The following MVB12B variants were observed in gnomAD, a reference collection of about 807,000 sequenced individuals.
The protein encoded by MVB12B is multivesicular body subunit 12B.
In MVB12B, 16 loss-of-function variants were observed where a neutral mutation model predicts 41.6. That is an observed-to-expected ratio of 0.38 (90% CI 0.26 to 0.58). MVB12B has a LOEUF of 0.58. Among genes scored for constraint, MVB12B ranks in the 20% least tolerant of loss-of-function variants. MVB12B has a pLI of 0.62. For synonymous variants in MVB12B, 133 were observed against 139.7 expected (o/e 0.95, Z 0.34); for missense variants, 274 against 380.2 (o/e 0.72, Z 2.32).
At position 126,376,552 on chromosome 9, in the gene MVB12B, G is replaced by T; in HGVS notation, c.205-4512G>T. On this transcript the variant is annotated intron_variant, in intron 2 of 9. Transcript: ENST00000361171. The surrounding 1 kb of genome is among the most constrained non-coding windows in gnomAD (Gnocchi z 4.1). ...GGGAGCTGGCTCAGATCGTGGGCTG[G>T]TCCACCCTGGCGCTTTCCAGAGACA... The T allele has an allele frequency of 7.8e-7, 1 of 1,289,372 alleles. No individual in the cohort carries two copies. Among genetic ancestry groups the T allele is most frequent in the Non-Finnish European group, 1.0e-6 (1 of 988,862 alleles). 79.9% of individuals were successfully genotyped at this position (1,289,372 alleles called of 1,614,324 possible).
chr9:126,410,868 G>C (rs1831626409), intron 6 of MVB12B, among the ~76,000 whole-genome samples: 1 of 149,606 alleles, frequency 6.7e-6, no homozygotes, highest in Admixed American at 6.6e-5. Context: ...CTCAACAGAT[G>C]TTTGTTATTT....
chr9:126,495,297 C>T (rs1159128061), intron 9 of MVB12B, among the ~76,000 whole-genome samples: 1 of 152,094 alleles, frequency 6.6e-6, no homozygotes, highest in Non-Finnish European at 1.5e-5. Flanking sequence ...AGCCTCCACC[C>T]AGAGCAGCAC....
chr9:126,482,341 G>A (rs2119207340), intron 8 of MVB12B, among the ~76,000 whole-genome samples: 1 of 152,380 alleles, frequency 6.6e-6, no homozygotes, highest in South Asian at 2.1e-4. Flanking sequence ...GTTTTTCTTG[G>A]ATCCAGCTTA....
In MVB12B at chr9:126,376,241, T is replaced by C. The variant is rs533020875; in HGVS notation, c.205-4823T>C. ...CTTTTTAAAAACGTTTTCATAATACTCTGTTCTTGTTTGGTATTTGCAGTC... is the reference window on the plus strand; with the variant it reads ...CTTTTTAAAAACGTTTTCATAATACCCTGTTCTTGTTTGGTATTTGCAGTC... On this transcript the variant is annotated intron_variant, in intron 2 of 9. Transcript: ENST00000361171. This position sits in a 1 kb window ranked among gnomAD's most constrained non-coding sequence, Gnocchi z 4.1. Among the ~76,000 whole-genome samples, 1 of 152,356 alleles carries C rather than the reference T, an allele frequency of 6.6e-6. No individual in the cohort carries two copies. The highest frequency in any genetic ancestry group is 2.4e-5 in the African/African-American group (1 of 41,582).
At chr9:126,458,837 A>G (rs1466533266) in intron 7 of MVB12B, among the ~76,000 whole-genome samples, 1 of 152,220 alleles carries the variant, frequency 6.6e-6, no homozygotes, top group Non-Finnish European at 1.5e-5. Context: ...ACAAGTTAGA[A>G]ATACTGTGTT....
chr9:126,384,742 A>G (rs1453667140), intron 3 of MVB12B, among the ~76,000 whole-genome samples: 3 of 151,666 alleles, frequency 2.0e-5, no homozygotes, highest in Admixed American at 1.3e-4. Flanking sequence ...CATGTTGCCC[A>G]GGCTGGTATC....
chr9:126,360,429 C>A (rs1203466438), intron 2 of MVB12B, among the ~76,000 whole-genome samples: 1 of 152,166 alleles, frequency 6.6e-6, no homozygotes, highest in African/African-American at 2.4e-5. Context: ...AATTTATAAT[C>A]TGTACACAAA....
In MVB12B at chr9:126,386,379, C is replaced by T. The variant is rs1455651086; in HGVS notation, c.313-183C>T. Among the ~76,000 whole-genome samples, 10 of 152,154 alleles carry T rather than the reference C, an allele frequency of 6.6e-5. No individual in the cohort carries two copies. Among genetic ancestry groups the T allele is most frequent in the Non-Finnish European group, 1.2e-4 (8 of 68,034 alleles). On this transcript the variant is annotated intron_variant, in intron 3 of 9. Coordinates refer to ENST00000361171, the MANE Select transcript of MVB12B (RefSeq NM_033446.3). The surrounding 1 kb of genome is among the most constrained non-coding windows in gnomAD (Gnocchi z 4.3). ...GAGGTTCCGCAGATGAAACTCCTTCCCAGGGGCCACACGAGTCCCTGCATA... is the reference window on the plus strand; with the variant it reads ...GAGGTTCCGCAGATGAAACTCCTTCTCAGGGGCCACACGAGTCCCTGCATA...
intron 7 of MVB12B, among the ~76,000 whole-genome samples, chr9:126,447,872 A>G (rs187356081): frequency 1.4e-4 from 22 of 152,314 alleles, no homozygotes; most frequent in Admixed American, 1.1e-3. Context: ...AAGGTTTATG[A>G]CGGTTAAAGG....
At chr9:126,490,584 C>T (rs1174082089) in intron 9 of MVB12B, among the ~76,000 whole-genome samples, 2 of 152,216 alleles carry the variant, frequency 1.3e-5, no homozygotes, top group Non-Finnish European at 2.9e-5. Context: ...CTGCCGCACT[C>T]CTGGCGGAGC....
rs547178955 is a variant in MVB12B at position 126,423,156 on chromosome 9, A to G, written c.757+1208A>G. Among the ~76,000 whole-genome samples the G allele has an allele frequency of 1.6e-4, 25 of 152,356 alleles. 1 individual carries two copies. The highest frequency in any genetic ancestry group is 8.5e-4 in the Admixed American group (13 of 15,310). ...ATGCTTAGTGGCATAGAGGTGCAGA[A>G]CAGGCCTGTGGAATCCAGCAGGGCG... is the stretch of plus-strand genomic sequence containing the variant. On this transcript the variant is annotated intron_variant, in intron 7 of 9. Coordinates refer to ENST00000361171, the MANE Select transcript of MVB12B (RefSeq NM_033446.3).
chr9:126,465,846 C>T (rs1350191715), intron 7 of MVB12B, among the ~76,000 whole-genome samples: 3 of 152,136 alleles, frequency 2.0e-5, no homozygotes, highest in African/African-American at 7.2e-5. Flanking sequence ...AATAATCAGC[C>T]CCATTTCCAG....
In MVB12B at chr9:126,395,858, GA is replaced by G; in HGVS notation, c.662+164del. On this transcript the variant is annotated intron_variant, in intron 6 of 9. Coordinates refer to ENST00000361171, the MANE Select transcript of MVB12B (RefSeq NM_033446.3). This position sits in a 1 kb window ranked among gnomAD's most constrained non-coding sequence, Gnocchi z 4.9. ...GAGGAGATTTTTAAAAATCCACTTG[GA>G]AATCTTTGCATTACATGAATGCAAA... 1 of 1,435,280 alleles carries G rather than the reference GA, an allele frequency of 7.0e-7. No individual in the cohort carries two copies. The highest frequency in any genetic ancestry group is 1.5e-5 in the South Asian group (1 of 65,366). 88.9% of individuals were successfully genotyped at this position (1,435,280 alleles called of 1,614,324 possible).
chr9:126,408,956 G>A (rs1387912047), intron 6 of MVB12B, among the ~76,000 whole-genome samples: 3 of 152,060 alleles, frequency 2.0e-5, no homozygotes, highest in South Asian at 2.1e-4. Context: ...CACCTGTCCC[G>A]CAGCGCCCAC....
chr9:126,447,352 G>A (rs988237865), intron 7 of MVB12B, among the ~76,000 whole-genome samples: 1 of 150,470 alleles, frequency 6.6e-6, no homozygotes, highest in Non-Finnish European at 1.5e-5. Context: ...TTTAATAAAA[G>A]TGTTTAGGGT....
intron 7 of MVB12B, among the ~76,000 whole-genome samples, chr9:126,445,261 C>G (rs1350345523): frequency 6.6e-6 from 1 of 151,938 alleles, no homozygotes; most frequent in Non-Finnish European, 1.5e-5. Context: ...TATATAATTC[C>G]TAAGTTTTAA....
At chr9:126,415,210 A>T in intron 6 of MVB12B, among the ~76,000 whole-genome samples, 1 of 152,014 alleles carries the variant, frequency 6.6e-6, no homozygotes, top group East Asian at 1.9e-4. Flanking sequence ...CTCTCCTTAG[A>T]CAATCCAACC....
intron 2 of MVB12B, among the ~76,000 whole-genome samples, chr9:126,342,380 G>A (rs548057148): frequency 6.1e-4 from 93 of 152,308 alleles, no homozygotes; most frequent in Admixed American, 1.2e-3. Context: ...GTAGTGGGTG[G>A]CAGATGGCCT....
At chr9:126,467,640 G>A (rs1462354007) in intron 7 of MVB12B, among the ~76,000 whole-genome samples, 1 of 152,112 alleles carries the variant, frequency 6.6e-6, no homozygotes, top group Non-Finnish European at 1.5e-5. Context: ...CTTTATATTG[G>A]TATGGACTAG....
Sources: allele counts gnomAD v4.1 joint callset (sites outside exome capture counted in the v4.1 genomes callset), GRCh38; gene constraint gnomAD v4.1.1; non-coding constraint Gnocchi (gnomAD v3.1); transcripts MANE v1.5; gene names NCBI Gene and HGNC (gene_info 2026-07-23, HGNC 2026-07-21).